PCDHGA6: variants seen among roughly 807,000 people sequenced by gnomAD.
PCDHGA6 encodes protocadherin gamma subfamily A, 6, also known as protocadherin gamma-A6.
A neutral mutation model predicts 60.6 loss-of-function variants in PCDHGA6; 41 were observed. The ratio of observed to expected loss-of-function variants is 0.68; its 90% CI spans 0.53 to 0.88. The LOEUF (loss-of-function observed/expected upper bound fraction) is 0.88, where lower values mean the gene tolerates loss of function less well. Ranked by LOEUF, PCDHGA6 falls within the 40% of genes least tolerant of loss-of-function variation. The pLI is 0.00. For synonymous variants in PCDHGA6, 594 were observed against 524.4 expected (o/e 1.13, Z -1.81); for missense variants, 1,312 against 1,203.0 (o/e 1.09, Z -1.34).
chr5:141,438,122 A>T (rs1272350030), intron 1 of PCDHGA6, among the ~76,000 whole-genome samples: 1 of 152,214 alleles, frequency 6.6e-6, no homozygotes, highest in Non-Finnish European at 1.5e-5. Flanking sequence ...CATTCCTAAA[A>T]TATTAATGGC....
intron 1 of PCDHGA6, chr5:141,424,599 GATTT>G (rs1016470290): frequency 3.9e-5 from 6 of 152,170 alleles, no homozygotes; most frequent in Non-Finnish European, 8.8e-5. Flanking sequence ...GATGTCTACA[GATTT>G]ATTCAAATAG....
chr5:141,511,598 A>C lies in PCDHGA6; in HGVS notation c.*425A>C. ...GGTTGGGGTGTTGAAGTACCAAGTA[A>C]CCTACAAGCCTCCTAGTTCTGAAAA... On this transcript the variant is annotated 3_prime_UTR_variant, in exon 4 of 4. Transcript: ENST00000517434. 3.9e-6 allele frequency: 1 copy of C among 255,742 alleles called. No individual in the cohort carries two copies. The highest frequency in any genetic ancestry group is 7.8e-6 in the Non-Finnish European group (1 of 127,952). The allele number at this position is 255,742 out of a possible 1,614,324, so 15.8% of individuals were successfully genotyped here.
intron 1 of PCDHGA6, among the ~76,000 whole-genome samples, chr5:141,401,463 C>G (rs2094158062): frequency 6.6e-6 from 1 of 152,214 alleles, no homozygotes; most frequent in Admixed American, 6.5e-5. Flanking sequence ...AAATAATTTT[C>G]TAAGTTTATC....
At chr5:141,415,562 CT>C in intron 1 of PCDHGA6, 3 of 1,613,960 alleles carry the variant, frequency 1.9e-6, no homozygotes, top group Non-Finnish European at 1.7e-6. Context: ...GATCCTTTGT[CT>C]TTGTTAGATG....
intron 1 of PCDHGA6, chr5:141,428,156 C>A: frequency 6.3e-7 from 1 of 1,579,884 alleles, no homozygotes; most frequent in Non-Finnish European, 8.6e-7. Context: ...CGGGAACCTG[C>A]TGGTTGCTGT....
chr5:141,491,407 G>A lies in PCDHGA6; in HGVS notation c.2425-3400G>A. ...GAAGTGCCTTCAGGGAAACGCAGAC[G>A]GGGACGGGGGTGGAGGGCAGTGCTG... is the stretch of plus-strand genomic sequence containing the variant. On this transcript the variant is annotated intron_variant, in intron 1 of 3. Transcript: ENST00000517434. The surrounding 1 kb of genome is among the most constrained non-coding windows in gnomAD (Gnocchi z 6.9). The A allele has an allele frequency of 6.2e-7, 1 of 1,614,116 alleles. No individual in the cohort carries two copies. The highest frequency in any genetic ancestry group is 8.5e-7 in the Non-Finnish European group (1 of 1,180,000).
chr5:141,450,569 T>G (rs1325535745), intron 1 of PCDHGA6, among the ~76,000 whole-genome samples: 1 of 149,800 alleles, frequency 6.7e-6, no homozygotes, highest in African/African-American at 2.5e-5. Flanking sequence ...TCACTGCAAC[T>G]TCTGCCTCCC....
At chr5:141,450,134 G>A (rs1267554616) in intron 1 of PCDHGA6, among the ~76,000 whole-genome samples, 1 of 151,424 alleles carries the variant, frequency 6.6e-6, no homozygotes, top group East Asian at 2.0e-4. Context: ...AGCCTCCTGA[G>A]TAGCTGGGAC....
chr5:141,392,013 G>A (rs980520094), intron 1 of PCDHGA6: 1 of 152,108 alleles, frequency 6.6e-6, no homozygotes, highest in African/African-American at 2.4e-5. Context: ...AATGGTAAAA[G>A]CATTTATCCT....
chr5:141,381,965 G>C (rs571350764), intron 1 of PCDHGA6, among the ~76,000 whole-genome samples: 96 of 151,186 alleles, frequency 6.3e-4, no homozygotes, highest in African/African-American at 2.2e-3. Flanking sequence ...GAGTAGCTGG[G>C]ATTACAGGCG....
intron 1 of PCDHGA6, chr5:141,400,146 C>A (rs1444566578): frequency 6.2e-7 from 1 of 1,614,080 alleles, no homozygotes; most frequent in South Asian, 1.1e-5. Flanking sequence ...ATATCACTGA[C>A]CGCCCTGTAC....
At chr5:141,410,440 G>C in intron 1 of PCDHGA6, 1 of 1,614,036 alleles carries the variant, frequency 6.2e-7, no homozygotes, top group Non-Finnish European at 8.5e-7. Context: ...ACAGTGAGGG[G>C]ACTTTGCCTT....
At chr5:141,459,137 G>C (rs1336232891) in intron 1 of PCDHGA6, among the ~76,000 whole-genome samples, 1 of 152,190 alleles carries the variant, frequency 6.6e-6, no homozygotes, top group Non-Finnish European at 1.5e-5. Context: ...TAACCACCAT[G>C]CAATCAAAAT....
intron 1 of PCDHGA6, among the ~76,000 whole-genome samples, chr5:141,472,192 C>A (rs2099274015): frequency 1.3e-5 from 2 of 152,134 alleles, no homozygotes; most frequent in South Asian, 2.1e-4. Context: ...GAATTTGAAT[C>A]TTTTTGACAC....
Position 141,476,374 on chromosome 5 carries a change from G to A in PCDHGA6, c.2425-18433G>A. 1.2e-6 allele frequency: 2 copies of A among 1,614,178 alleles called. No individual in the cohort carries two copies. Among genetic ancestry groups the A allele is most frequent in the Non-Finnish European group, 1.7e-6 (2 of 1,180,044 alleles). On this transcript the variant is annotated intron_variant, in intron 1 of 3. Transcript: ENST00000517434. This position sits in a 1 kb window ranked among gnomAD's most constrained non-coding sequence, Gnocchi z 7.6. ...AGGTGAACCGGGAGACCGGAGAGATGTTTGTGAACGACCGTCTGGATCGAG... is the reference window on the plus strand; with the variant it reads ...AGGTGAACCGGGAGACCGGAGAGATATTTGTGAACGACCGTCTGGATCGAG...
At chr5:141,473,853 C>T (rs2099329853) in intron 1 of PCDHGA6, among the ~76,000 whole-genome samples, 1 of 152,128 alleles carries the variant, frequency 6.6e-6, no homozygotes, top group Non-Finnish European at 1.5e-5. Flanking sequence ...GGAAGATGAA[C>T]CTCGCTATTG....
chr5:141,463,438 C>CTTTTTTTT (rs71576115), intron 1 of PCDHGA6, among the ~76,000 whole-genome samples: 3 of 103,252 alleles, frequency 2.9e-5, no homozygotes, highest in African/African-American at 8.9e-5. Context: ...TTTCCTTCTC[C>CTTTTTTTT]TTTTTTTTTT....
chr5:141,425,834 C>A (rs925446924), intron 1 of PCDHGA6, among the ~76,000 whole-genome samples: 1 of 152,220 alleles, frequency 6.6e-6, no homozygotes, highest in Non-Finnish European at 1.5e-5. Context: ...CTTTTAAATT[C>A]TCTTTGCTGG....
chr5:141,402,843 G>C (rs1370040306), intron 1 of PCDHGA6: 5 of 1,399,114 alleles, frequency 3.6e-6, no homozygotes, highest in Non-Finnish European at 4.7e-6. Flanking sequence ...GCAAAACTCA[G>C]CCTCTTTCTT....
Sources: allele counts gnomAD v4.1 joint callset (sites outside exome capture counted in the v4.1 genomes callset), GRCh38; gene constraint gnomAD v4.1.1; non-coding constraint Gnocchi (gnomAD v3.1); transcripts MANE v1.5; gene names NCBI Gene and HGNC (gene_info 2026-07-23, HGNC 2026-07-21).